The following DPYD variants were observed in gnomAD, a reference collection of about 807,000 sequenced individuals.
DPYD encodes the protein dihydropyrimidine dehydrogenase [NADP(+)].
A neutral mutation model predicts 116.2 loss-of-function variants in DPYD; 109 were observed. The ratio of observed to expected loss-of-function variants is 0.94; its 90% CI spans 0.80 to 1.10. The LOEUF is 1.10. DPYD is among the 50% of genes least tolerant of loss of function. DPYD has a pLI of 0.00. For synonymous variants in DPYD, 440 were observed against 432.0 expected, an observed-to-expected ratio of 1.02 and a Z score of -0.23; for missense variants, 1,302 against 1,254.5, an observed-to-expected ratio of 1.04 and a Z score of -0.57.
chr1:97,213,437 G>A (rs1337780413), intron 19 of DPYD, among the ~76,000 whole-genome samples: 2 of 152,136 alleles, frequency 1.3e-5, no homozygotes, highest in East Asian at 1.9e-4. Flanking sequence ...AGCTGTTTAT[G>A]TTCTCTTAAT....
At chr1:97,837,701 A>G (rs1187310678) in intron 2 of DPYD, among the ~76,000 whole-genome samples, 1 of 152,176 alleles carries the variant, frequency 6.6e-6, no homozygotes, top group African/African-American at 2.4e-5. Context: ...TAAAATTGTA[A>G]GTATTAGCAA....
At chr1:97,617,072 C>T (rs1326724124) in intron 8 of DPYD, among the ~76,000 whole-genome samples, 1 of 152,080 alleles carries the variant, frequency 6.6e-6, no homozygotes, top group East Asian at 1.9e-4. Context: ...CATGGTGGTG[C>T]ACACATGCAG....
chr1:97,847,890 G>C (rs1225488285), intron 2 of DPYD, among the ~76,000 whole-genome samples: 3 of 152,090 alleles, frequency 2.0e-5, no homozygotes, highest in Non-Finnish European at 4.4e-5. Flanking sequence ...TCATACACAA[G>C]CTATATCTCT....
At chr1:97,773,536 C>T (rs187301007) in intron 3 of DPYD, among the ~76,000 whole-genome samples, 1 of 152,232 alleles carries the variant, frequency 6.6e-6, no homozygotes, top group East Asian at 1.9e-4. Context: ...CCACCATGCT[C>T]CCCCCATCCT....
chr1:97,236,504 T>C (rs970717352), intron 18 of DPYD, among the ~76,000 whole-genome samples: 1 of 152,176 alleles, frequency 6.6e-6, no homozygotes, highest in African/African-American at 2.4e-5. Flanking sequence ...TATGACATTC[T>C]GGAAAAGGAA....
chr1:97,745,836 C>G (rs548081911), intron 3 of DPYD, among the ~76,000 whole-genome samples: 1 of 152,134 alleles, frequency 6.6e-6, no homozygotes, highest in East Asian at 1.9e-4. Context: ...CATCTACGTA[C>G]AAAAACAGGT....
At chr1:97,512,710 A>G (rs1156527110) in intron 13 of DPYD, among the ~76,000 whole-genome samples, 4 of 152,010 alleles carry the variant, frequency 2.6e-5, no homozygotes, top group Non-Finnish European at 4.4e-5. Flanking sequence ...CTGTTTTGTC[A>G]TGATAATTTA....
intron 13 of DPYD, among the ~76,000 whole-genome samples, chr1:97,473,431 C>A (rs1313659061): frequency 6.6e-6 from 1 of 152,152 alleles, no homozygotes; most frequent in Non-Finnish European, 1.5e-5. Flanking sequence ...AATAATACTG[C>A]AGTCAACATG....
At chr1:97,189,966 A>C (rs981544628) in intron 20 of DPYD, among the ~76,000 whole-genome samples, 34 of 152,094 alleles carry the variant, frequency 2.2e-4, no homozygotes, top group African/African-American at 7.7e-4. Context: ...TATGTTTTGG[A>C]TTTCAGAATT....
chr1:97,402,730 G>T (rs574655629), intron 14 of DPYD, among the ~76,000 whole-genome samples: 2 of 152,160 alleles, frequency 1.3e-5, no homozygotes, highest in South Asian at 4.1e-4. Context: ...CATTAAATGT[G>T]ATATTAGCTG....
intron 20 of DPYD, among the ~76,000 whole-genome samples, chr1:97,179,114 A>T (rs1051972285): frequency 4.6e-5 from 7 of 152,184 alleles, no homozygotes; most frequent in Non-Finnish European, 8.8e-5. Flanking sequence ...GAGGGGACAA[A>T]GAATAGAAAA....
At chr1:97,723,987 A>C (rs1231380254) in intron 4 of DPYD, among the ~76,000 whole-genome samples, 1 of 151,690 alleles carries the variant, frequency 6.6e-6, no homozygotes, top group Non-Finnish European at 1.5e-5. Flanking sequence ...TCAGGAATGC[A>C]AGGTTGGTTT....
Position 97,098,538 on chromosome 1 carries a change from G to T in DPYD, c.2717C>A (p.Pro906Gln). The change falls in exon 21 of 23, where the codon CCA becomes CAA. Residue 906 changes from proline (P) to glutamine (Q), a missense_variant. By Grantham distance (76) the Pro-to-Gln change is moderately conservative. Coordinates refer to ENST00000370192, the MANE Select transcript of DPYD (RefSeq NM_000110.4). The stretch of plus-strand genomic sequence containing the variant: ...GGGGATAAAACAGTTTCTCTTAAGT[G>T]GTGAAAAAGCTACATTTTGTTCTTT... The part of the protein sequence containing the change: ...RLKEQNVAFS[P>Q]LKRNCFIPKR... The T allele has an allele frequency of 6.2e-7, 1 of 1,613,088 alleles. No individual in the cohort carries two copies. Among genetic ancestry groups the T allele is most frequent in the East Asian group, 2.2e-5 (1 of 44,776 alleles).
chr1:97,867,028 C>T (rs755124560), intron 2 of DPYD, among the ~76,000 whole-genome samples: 4 of 151,386 alleles, frequency 2.6e-5, no homozygotes, highest in African/African-American at 7.3e-5. Flanking sequence ...TTTTAGGTTT[C>T]AAAATAATAA....
intron 18 of DPYD, among the ~76,000 whole-genome samples, chr1:97,299,556 T>C (rs34749427): frequency 0.015 from 2,281 of 152,266 alleles, 31 homozygotes; most frequent in South Asian, 0.024. Context: ...AAGGAAAGGA[T>C]GTAGACCTTG....
chr1:97,320,067 T>C (rs1668144021), intron 16 of DPYD, among the ~76,000 whole-genome samples: 3 of 140,506 alleles, frequency 2.1e-5, no homozygotes, highest in African/African-American at 7.9e-5. Context: ...AAATTAGGTA[T>C]TGATGGGATG....
intron 18 of DPYD, among the ~76,000 whole-genome samples, chr1:97,296,550 C>T (rs183216215): frequency 5.2e-4 from 79 of 152,070 alleles, no homozygotes; most frequent in Admixed American, 2.2e-3. Context: ...ATAAAATTCA[C>T]TTTTATTTTG....
chr1:97,813,173 T>C (rs752225888), intron 3 of DPYD, among the ~76,000 whole-genome samples: 5 of 152,150 alleles, frequency 3.3e-5, no homozygotes, highest in Non-Finnish European at 7.4e-5. Context: ...TTTAATTATG[T>C]GTCAAAACTA....
At chr1:97,712,356 C>G (rs1662336247) in intron 5 of DPYD, among the ~76,000 whole-genome samples, 1 of 151,946 alleles carries the variant, frequency 6.6e-6, no homozygotes, top group African/African-American at 2.4e-5. Context: ...CTGACCTTTT[C>G]TATTGAGATT....
Sources: allele counts gnomAD v4.1 joint callset (sites outside exome capture counted in the v4.1 genomes callset), GRCh38; gene constraint gnomAD v4.1.1; transcripts MANE v1.5; gene names NCBI Gene and HGNC (gene_info 2026-07-23, HGNC 2026-07-21).